The following LRRC4C variants were observed in gnomAD, a reference collection of about 807,000 sequenced individuals.
LRRC4C encodes leucine rich repeat containing 4C, also known as leucine-rich repeat-containing protein 4C.
Under a neutral mutation model 33.6 loss-of-function variants are expected in LRRC4C, and 5 were observed. The ratio of observed to expected loss-of-function variants is 0.15; its 90% CI spans 0.08 to 0.31. LRRC4C has a LOEUF of 0.31. Among genes scored for constraint, LRRC4C ranks in the 10% least tolerant of loss-of-function variants. The probability of loss-of-function intolerance (pLI) is 1.00; values close to 1 mark genes in which losing one functional copy is unlikely to be tolerated. For synonymous variants in LRRC4C, 329 were observed against 302.0 expected (o/e 1.09, Z -0.93); for missense variants, 560 against 796.7 (o/e 0.70, Z 3.58).
At chr11:40,978,290 A>G (rs1852231904) in intron 1 of LRRC4C, among the ~76,000 whole-genome samples, 1 of 152,206 alleles carries the variant, frequency 6.6e-6, no homozygotes, top group Admixed American at 6.5e-5. Flanking sequence ...ACTGTCCAGA[A>G]AAACAAACCT....
chr11:41,360,487 T>C (rs1314683215), intron 1 of LRRC4C, among the ~76,000 whole-genome samples: 1 of 152,016 alleles, frequency 6.6e-6, no homozygotes. Context: ...AAACATCCAA[T>C]GACAAACTGA....
chr11:40,846,384 GT>G (rs1447927881), intron 2 of LRRC4C, among the ~76,000 whole-genome samples: 2 of 152,100 alleles, frequency 1.3e-5, no homozygotes, highest in African/African-American at 4.8e-5. Flanking sequence ...TCCAGTTTCA[GT>G]TTTCTGCATA....
At chr11:40,254,996 T>G (rs756259188) in intron 4 of LRRC4C, among the ~76,000 whole-genome samples, 8 of 152,050 alleles carry the variant, frequency 5.3e-5, no homozygotes, top group Non-Finnish European at 8.8e-5. Flanking sequence ...TTTATTTCTA[T>G]AGTGACAGGG....
chr11:40,621,399 C>A (rs1475720312), intron 3 of LRRC4C, among the ~76,000 whole-genome samples: 2 of 151,762 alleles, frequency 1.3e-5, no homozygotes, highest in Non-Finnish European at 2.9e-5. Flanking sequence ...CCTAGACACA[C>A]CACACACCTT....
At chr11:41,333,942 CT>C (rs1328616026) in intron 1 of LRRC4C, among the ~76,000 whole-genome samples, 1 of 152,150 alleles carries the variant, frequency 6.6e-6, no homozygotes, top group African/African-American at 2.4e-5. Flanking sequence ...ACCCCTACTT[CT>C]GTATTTCAAC....
chr11:41,440,459 C>A (rs1955579798), intron 1 of LRRC4C, among the ~76,000 whole-genome samples: 1 of 151,888 alleles, frequency 6.6e-6, no homozygotes, highest in Non-Finnish European at 1.5e-5. Flanking sequence ...TTTTAATTTT[C>A]TCAGCATCAA....
At chr11:41,292,172 G>A (rs1396418467) in intron 1 of LRRC4C, among the ~76,000 whole-genome samples, 1 of 152,086 alleles carries the variant, frequency 6.6e-6, no homozygotes, top group African/African-American at 2.4e-5. Flanking sequence ...CCTCACTGAT[G>A]TGAGGAACAG....
chr11:41,338,833 A>C (rs1446669089), intron 1 of LRRC4C, among the ~76,000 whole-genome samples: 2 of 151,638 alleles, frequency 1.3e-5, no homozygotes, highest in Non-Finnish European at 2.9e-5. Context: ...CCTACTCTCT[A>C]AAAAAAAATC....
At chr11:40,627,253 T>TAGAGAG (rs58297752) in intron 3 of LRRC4C, among the ~76,000 whole-genome samples, 1,746 of 129,122 alleles carry the variant, frequency 0.014, 36 homozygotes, top group African/African-American at 0.05. Context: ...TGTTTCCCAT[T>TAGAGAG]AGAGAGAGAG....
intron 3 of LRRC4C, among the ~76,000 whole-genome samples, chr11:40,420,245 A>G (rs1309379613): frequency 6.6e-6 from 1 of 152,136 alleles, no homozygotes; most frequent in Non-Finnish European, 1.5e-5. Context: ...ATCGATCACC[A>G]CAATTGTACT....
chr11:40,123,720 C>T (rs1280480145), intron 6 of LRRC4C, among the ~76,000 whole-genome samples: 1 of 151,796 alleles, frequency 6.6e-6, no homozygotes, highest in African/African-American at 2.4e-5. Context: ...ACATTCTTCA[C>T]AGAAATAGAA....
chr11:40,601,844 G>T (rs948796615), intron 3 of LRRC4C, among the ~76,000 whole-genome samples: 6 of 152,028 alleles, frequency 3.9e-5, no homozygotes. Flanking sequence ...CCCAATTTCA[G>T]ATTGGAATAT....
chr11:41,450,964 G>A (rs1045424529), intron 1 of LRRC4C, among the ~76,000 whole-genome samples: 13 of 151,902 alleles, frequency 8.6e-5, no homozygotes, highest in East Asian at 1.9e-4. Flanking sequence ...TGAGTTTTAC[G>A]TGCTGACTTT....
intron 1 of LRRC4C, among the ~76,000 whole-genome samples, chr11:41,294,203 A>G (rs889351933): frequency 2.0e-5 from 3 of 152,204 alleles, no homozygotes; most frequent in Non-Finnish European, 4.4e-5. Context: ...AGAATGTACT[A>G]TTCACACACA....
chr11:41,255,110 C>T (rs1948757752), intron 1 of LRRC4C, among the ~76,000 whole-genome samples: 1 of 151,912 alleles, frequency 6.6e-6, no homozygotes, highest in Non-Finnish European at 1.5e-5. Context: ...TATACCATTC[C>T]CTAAAAGCTC....
intron 4 of LRRC4C, among the ~76,000 whole-genome samples, chr11:40,246,714 A>AT (rs1322470448): frequency 6.6e-6 from 1 of 152,052 alleles, no homozygotes; most frequent in African/African-American, 2.4e-5. Flanking sequence ...GTAAAAGCAT[A>AT]TTTTTTTCAT....
At chr11:40,165,723 A>G (rs556745025) in intron 5 of LRRC4C, among the ~76,000 whole-genome samples, 122 of 152,300 alleles carry the variant, frequency 8.0e-4, no homozygotes, top group Middle Eastern at 3.4e-3. Context: ...AGGTGGGTGG[A>G]TCACCTGAGG....
intron 6 of LRRC4C, among the ~76,000 whole-genome samples, chr11:40,127,398 G>A (rs948593152): frequency 3.3e-5 from 5 of 152,108 alleles, no homozygotes; most frequent in African/African-American, 1.2e-4. Context: ...AAGCAGAGGA[G>A]TAGGAGCACA....
chr11:40,628,920 G>A (rs1963218386), intron 3 of LRRC4C, among the ~76,000 whole-genome samples: 1 of 152,062 alleles, frequency 6.6e-6, no homozygotes, highest in Non-Finnish European at 1.5e-5. Context: ...TTAATATGAA[G>A]GAGAAAGCCA....
Sources: allele counts gnomAD v4.1 joint callset (sites outside exome capture counted in the v4.1 genomes callset), GRCh38; gene constraint gnomAD v4.1.1; transcripts MANE v1.5; gene names NCBI Gene and HGNC (gene_info 2026-07-23, HGNC 2026-07-21).